Variants in TENM2 observed in about 807,000 individuals in gnomAD.
TENM2 encodes the protein teneurin-2.
In TENM2, 52 loss-of-function variants were observed where a neutral mutation model predicts 245.2. That is an observed-to-expected ratio of 0.21 (90% CI 0.17 to 0.27). The LOEUF (loss-of-function observed/expected upper bound fraction) is 0.27, where lower values mean the gene tolerates loss of function less well. Ranked by LOEUF, TENM2 falls within the 10% of genes least tolerant of loss-of-function variation. The probability of loss-of-function intolerance (pLI) is 1.00; values close to 1 mark genes in which losing one functional copy is unlikely to be tolerated. For synonymous variants in TENM2, 1,363 were observed against 1,438.9 expected (o/e 0.95, Z 1.19); for missense variants, 3,046 against 3,666.8 (o/e 0.83, Z 4.37).
At chr5:168,072,192 G>A (rs1326280148) in intron 7 of TENM2, among the ~76,000 whole-genome samples, 2 of 152,192 alleles carry the variant, frequency 1.3e-5, no homozygotes, top group Admixed American at 1.3e-4. Context: ...GGAATGTGCA[G>A]TAAATAAGAA....
rs138474099 is a variant in TENM2 at position 167,565,245 on chromosome 5, T to C, written c.502+189772T>C. The stretch of plus-strand genomic sequence containing the variant: ...TGCGTGAGATGATGTCATAATATAG[T>C]AAATGAGGTCAGGGATAGGTTTCTT... On this transcript the variant is annotated intron_variant, in intron 2 of 28. Coordinates refer to ENST00000518659, the Ensembl canonical transcript of TENM2. 2.6e-5 allele frequency among the ~76,000 whole-genome samples: 4 copies of C among 152,346 alleles called. No homozygotes were observed. In the East Asian group the frequency reaches 7.7e-4, roughly 29 times the overall value.
At chr5:167,827,664 A>G (rs1342534199) in intron 2 of TENM2, among the ~76,000 whole-genome samples, 1 of 149,284 alleles carries the variant, frequency 6.7e-6, no homozygotes, top group Non-Finnish European at 1.5e-5. Flanking sequence ...CGTGAATGAA[A>G]TAGAGGTTCT....
upstream of TENM2, among the ~76,000 whole-genome samples, chr5:167,284,197 G>A (rs1371643490): frequency 1.3e-5 from 2 of 152,190 alleles, no homozygotes; most frequent in African/African-American, 2.4e-5. Flanking sequence ...TTTGCATGTC[G>A]AGAACAACTT....
At chr5:167,956,132 C>T (rs1251921005) in intron 4 of TENM2, among the ~76,000 whole-genome samples, 2 of 152,066 alleles carry the variant, frequency 1.3e-5, no homozygotes, top group Admixed American at 6.6e-5. Flanking sequence ...TTGTTTGTGT[C>T]CTCTCATTTC....
At chr5:167,201,164 C>T in the TENM2 span, among the ~76,000 whole-genome samples, 4 of 152,198 alleles carry the variant, frequency 2.6e-5, no homozygotes, top group African/African-American at 9.6e-5. Context: ...ACTTTCTAGC[C>T]AGATTTGTTA....
intron 2 of TENM2, among the ~76,000 whole-genome samples, chr5:167,703,223 G>C (rs1319257219): frequency 3.3e-5 from 5 of 152,078 alleles, no homozygotes; most frequent in Non-Finnish European, 7.4e-5. Context: ...ATAGTAAGTG[G>C]TATACAGCCT....
intron 23 of TENM2, among the ~76,000 whole-genome samples, chr5:168,222,831 G>T (rs1261574794): frequency 6.6e-6 from 1 of 152,166 alleles, no homozygotes; most frequent in East Asian, 1.9e-4. Context: ...GCCCTCTTCA[G>T]CTAGCATGAG....
chr5:167,636,466 T>C (rs1484635244), intron 2 of TENM2, among the ~76,000 whole-genome samples: 2 of 152,252 alleles, frequency 1.3e-5, no homozygotes, highest in South Asian at 2.1e-4. Flanking sequence ...TAATAACTCA[T>C]TGAAATGGAA....
At chr5:167,395,837 T>A (rs1395889319) in intron 2 of TENM2, among the ~76,000 whole-genome samples, 2 of 152,136 alleles carry the variant, frequency 1.3e-5, no homozygotes, top group Non-Finnish European at 2.9e-5. Context: ...AAGTGAGGAC[T>A]TGCTATATAT....
At chr5:168,126,221 GC>G (rs773610143) in intron 11 of TENM2, among the ~76,000 whole-genome samples, 10 of 152,326 alleles carry the variant, frequency 6.6e-5, no homozygotes, top group Admixed American at 2.6e-4. Context: ...TGGGAATGGA[GC>G]AGCGGGGTCC....
At chr5:167,022,973 G>C in the TENM2 span, among the ~76,000 whole-genome samples, 5 of 152,204 alleles carry the variant, frequency 3.3e-5, no homozygotes, top group African/African-American at 1.2e-4. Context: ...TTTACTCTGT[G>C]ATCTGTGATA....
intron 1 of TENM2, among the ~76,000 whole-genome samples, chr5:167,341,993 GA>G (rs1264474055): frequency 6.6e-6 from 1 of 152,116 alleles, no homozygotes; most frequent in Non-Finnish European, 1.5e-5. Flanking sequence ...GAAAGTTTTA[GA>G]TGTACAGAAT....
intron 5 of TENM2, among the ~76,000 whole-genome samples, chr5:168,018,350 C>T (rs1785837681): frequency 6.7e-6 from 1 of 149,612 alleles, no homozygotes; most frequent in South Asian, 2.1e-4. Context: ...ATTTTCTAAG[C>T]ATTTGCTTTA....
intron 2 of TENM2, among the ~76,000 whole-genome samples, chr5:167,456,731 G>A (rs1454564530): frequency 6.6e-6 from 1 of 152,106 alleles, no homozygotes; most frequent in Admixed American, 6.6e-5. Context: ...AATATAAAAA[G>A]CATCAAATTT....
intron 27 of TENM2, among the ~76,000 whole-genome samples, chr5:168,253,730 C>T (rs1301662923): frequency 6.6e-6 from 1 of 152,154 alleles, no homozygotes. Context: ...TGGCTACGCA[C>T]TCATTATTTA....
chr5:167,675,111 T>C (rs1229760837), intron 2 of TENM2, among the ~76,000 whole-genome samples: 1 of 152,034 alleles, frequency 6.6e-6, no homozygotes, highest in Non-Finnish European at 1.5e-5. Flanking sequence ...TCCAAAAATA[T>C]CAAGTAAGCC....
At chr5:167,904,640 A>C (rs1418616666) in intron 3 of TENM2, among the ~76,000 whole-genome samples, 1 of 152,174 alleles carries the variant, frequency 6.6e-6, no homozygotes, top group Admixed American at 6.5e-5. Flanking sequence ...AAGTGATTAA[A>C]TCCACCTTTT....
At chr5:168,055,727 A>G (rs371283393) in intron 6 of TENM2, among the ~76,000 whole-genome samples, 1 of 152,196 alleles carries the variant, frequency 6.6e-6, no homozygotes. Context: ...AGGTAGCATC[A>G]CAACAGACAG....
intron 14 of TENM2, among the ~76,000 whole-genome samples, chr5:168,191,595 G>T (rs1562263927): frequency 1.3e-5 from 2 of 151,880 alleles, no homozygotes; most frequent in African/African-American, 4.8e-5. Flanking sequence ...GATGGTCCTG[G>T]CCCCTTTGCA....
Sources: gnomAD v4.1 joint callset for allele counts (sites outside exome capture counted in the v4.1 genomes callset) on GRCh38, gnomAD v4.1.1 for gene constraint, MANE v1.5 for transcripts, NCBI Gene and HGNC (gene_info 2026-07-23, HGNC 2026-07-21) for gene names.